Variants in UBN2 observed in about 807,000 individuals in gnomAD.
UBN2 encodes the protein ubinuclein-2.
Under a neutral mutation model 120.2 loss-of-function variants are expected in UBN2, and 35 were observed. The ratio of observed to expected loss-of-function variants is 0.29; its 90% CI spans 0.22 to 0.39. UBN2 has a LOEUF of 0.39. Ranked by LOEUF, UBN2 falls within the 10% of genes least tolerant of loss-of-function variation. UBN2 has a pLI of 1.00. For synonymous variants in UBN2, 661 were observed against 648.7 expected, an observed-to-expected ratio of 1.02 and a Z score of -0.29; for missense variants, 1,693 against 1,663.2, an observed-to-expected ratio of 1.02 and a Z score of -0.31.
chr7:139,288,130 T>C (rs1419718947), intron 15 of UBN2, among the ~76,000 whole-genome samples: 2 of 152,204 alleles, frequency 1.3e-5, no homozygotes, highest in Admixed American at 1.3e-4. Context: ...CAAATGTTTA[T>C]TGAGTGTTTA....
At chr7:139,289,881 A>G (rs1797900300) in intron 15 of UBN2, among the ~76,000 whole-genome samples, 1 of 151,826 alleles carries the variant, frequency 6.6e-6, no homozygotes, top group Non-Finnish European at 1.5e-5. Context: ...GATTAGAAGA[A>G]GCAACTCTGG....
rs552594200 is a variant in UBN2 at position 139,245,620 on chromosome 7, C to G, written c.562-6336C>G. ...CTGATTGTGCCCATTACAACAGAAC[C>G]TGTTTGTTTAGTTTTCCCAGGTAAA... On this transcript the variant is annotated intron_variant, in intron 2 of 17. Transcript: ENST00000473989. 5.9e-5 allele frequency among the ~76,000 whole-genome samples: 9 copies of G among 152,238 alleles called. No individual in the cohort carries two copies. In the East Asian group the frequency reaches 1.5e-3, roughly 26 times the overall value.
At chr7:139,282,821 A>G (rs1263752396) in intron 14 of UBN2, among the ~76,000 whole-genome samples, 2 of 152,160 alleles carry the variant, frequency 1.3e-5, no homozygotes, top group Non-Finnish European at 2.9e-5. Context: ...AGCTATGTGC[A>G]ATATATCAGA....
At chr7:139,268,923 C>T (rs1462384260) in intron 7 of UBN2, among the ~76,000 whole-genome samples, 1 of 152,142 alleles carries the variant, frequency 6.6e-6, no homozygotes, top group Non-Finnish European at 1.5e-5. Context: ...TGGTATGGGG[C>T]TGGGCGCAGT....
intron 11 of UBN2, among the ~76,000 whole-genome samples, chr7:139,275,399 C>T (rs1480074690): frequency 6.1e-5 from 9 of 148,386 alleles, no homozygotes; most frequent in African/African-American, 1.0e-4. Flanking sequence ...CTGGCTAACA[C>T]GGTGAAACCC....
intron 8 of UBN2, among the ~76,000 whole-genome samples, chr7:139,270,690 C>T (rs535462822): frequency 6.6e-6 from 1 of 152,230 alleles, no homozygotes; most frequent in Admixed American, 6.5e-5. Context: ...GTAGCCTAAG[C>T]TAAATAATTC....
chr7:139,231,990 A>C, intron 1 of UBN2, 38 bp downstream of exon 1: 1 of 1,559,910 alleles, frequency 6.4e-7, no homozygotes, highest in Non-Finnish European at 8.6e-7. Context: ...AGACCCCGGG[A>C]GCCTCAGGAC....
At chr7:139,237,504 C>T (rs1796197049) in intron 2 of UBN2, among the ~76,000 whole-genome samples, 1 of 152,014 alleles carries the variant, frequency 6.6e-6, no homozygotes. Context: ...CCATGTTGGC[C>T]AGGCTGGTCG....
intron 15 of UBN2, among the ~76,000 whole-genome samples, chr7:139,289,986 C>T (rs1797905214): frequency 6.6e-6 from 1 of 152,042 alleles, no homozygotes; most frequent in Admixed American, 6.5e-5. Flanking sequence ...CTCTGCCTCC[C>T]AGGTTCAAGC....
In UBN2 at chr7:139,258,721, G is replaced by A. The variant is rs112375645; in HGVS notation, c.801+96G>A. 1.5e-3 allele frequency: 1,618 copies of A among 1,102,332 alleles called. 13 individuals carry two copies. The African/African-American group carries it at 0.02, about 14-fold the overall frequency. The allele number at this position is 1,102,332 out of a possible 1,614,324, so 68.3% of individuals were successfully genotyped here. On this transcript the variant is annotated intron_variant, in intron 4 of 17. Transcript: ENST00000473989. Reference sequence around the variant, plus strand: ...GTCACACGTGTGAATGTAAGGAAAAGTAAAATACAAACCATTGTGTCATGA... The same window carrying A: ...GTCACACGTGTGAATGTAAGGAAAAATAAAATACAAACCATTGTGTCATGA...
chr7:139,328,564 T>C, the UBN2 span, among the ~76,000 whole-genome samples: 1 of 152,136 alleles, frequency 6.6e-6, no homozygotes, highest in Admixed American at 6.6e-5. Flanking sequence ...GCATCCTGGC[T>C]CACATGGAAG....
chr7:139,275,277 CAAAAA>C (rs758714682), intron 11 of UBN2, among the ~76,000 whole-genome samples: 93 of 44,902 alleles, frequency 2.1e-3, no homozygotes, highest in African/African-American at 6.0e-3. Flanking sequence ...AACTCTGTCT[CAAAAA>C]AAAAAAAAAA....
chr7:139,237,191 C>A, intron 2 of UBN2, 94 bp downstream of exon 2: 1 of 742,356 alleles, frequency 1.3e-6, no homozygotes, highest in Admixed American at 2.3e-5. Context: ...TATCCGTTGC[C>A]TGCCTTACTT....
At chr7:139,312,467 A>G (rs1051592042), downstream of UBN2, among the ~76,000 whole-genome samples, 18 of 152,162 alleles carry the variant, frequency 1.2e-4, no homozygotes, top group African/African-American at 3.4e-4. Context: ...TCAATTCCTT[A>G]TTACCAAAAA....
chr7:139,294,055 C>A, intron 17 of UBN2, 74 bp downstream of exon 17: 1 of 1,457,590 alleles, frequency 6.9e-7, no homozygotes, highest in Non-Finnish European at 9.5e-7. Context: ...TTTCTGAAAA[C>A]AATGTGAATG....
rs180861081 is a variant in UBN2 at position 139,298,423 on chromosome 7, C to T, written c.*587C>T. 1 of 152,326 alleles carries T rather than the reference C, an allele frequency of 6.6e-6. No individual in the cohort carries two copies. The highest frequency in any genetic ancestry group is 6.5e-5 in the Admixed American group (1 of 15,294). 9.4% of individuals were successfully genotyped at this position (152,326 alleles called of 1,614,324 possible). ...ATCTCCTCCAGTGTGTAGCAACTTC[C>T]CTCAATCAGTGGACTAAAGATCCTT... On this transcript the variant is annotated 3_prime_UTR_variant, in exon 18 of 18. Transcript: ENST00000473989.
chr7:139,253,019 T>G (rs1354264463), intron 3 of UBN2, among the ~76,000 whole-genome samples: 1 of 152,200 alleles, frequency 6.6e-6, no homozygotes, highest in Non-Finnish European at 1.5e-5. Context: ...GAAGGTAAAG[T>G]ACCCAAAGGC....
rs185671862 is a variant in UBN2, at chr7:139,240,684, C to T, written c.561+3587C>T. 3.2e-4 allele frequency among the ~76,000 whole-genome samples: 46 copies of T among 145,888 alleles called. 1 individual carries two copies. The East Asian group carries it at 8.5e-3, about 27-fold the overall frequency. Reference sequence around the variant, plus strand: ...AGGGAGTATAAAATTGTAAAAAGAGCACCCTGCATTGAATTTATGGGGTTC... The same window carrying T: ...AGGGAGTATAAAATTGTAAAAAGAGTACCCTGCATTGAATTTATGGGGTTC... On this transcript the variant is annotated intron_variant, in intron 2 of 17. Coordinates refer to ENST00000473989, the MANE Select transcript of UBN2 (RefSeq NM_173569.4).
rs767121611 is a variant in UBN2, at chr7:139,297,819, C to A, written c.4027C>A (p.Pro1343Thr). 44 of 1,613,956 alleles carry A rather than the reference C, an allele frequency of 2.7e-5. No homozygotes were observed. In the Admixed American group the frequency reaches 7.3e-4, roughly 27 times the overall value. Residue 1343 changes from proline (P) to threonine (T), a missense_variant, in exon 18 of 18, where the codon CCA (proline) becomes ACA (threonine). This residue lies in a region of UBN2 where 837 missense variants were observed against 817.6 expected (regional missense o/e 1.02). Transcript: ENST00000473989. Reference protein sequence around the residue: ...GGQSKGDTKLPRKSQ With the variant: ...GGQSKGDTKLTRKSQ ...CCAAAGTAAAGGGGACACTAAATTA[C>A]CACGGAAATCTCAGTGACTGCCCAG... is the stretch of plus-strand genomic sequence containing the variant.
Sources: gnomAD v4.1 joint callset for allele counts (sites outside exome capture counted in the v4.1 genomes callset) on GRCh38, gnomAD v4.1.1 for gene constraint, gnomAD v4.1.1 regional missense constraint, MANE v1.5 for transcripts, NCBI Gene and HGNC (gene_info 2026-07-23, HGNC 2026-07-21) for gene names.